The following TACC2 variants were observed in gnomAD, a reference collection of about 807,000 sequenced individuals.
The protein encoded by TACC2 is transforming acidic coiled-coil-containing protein 2.
Under a neutral mutation model 227.3 loss-of-function variants are expected in TACC2, and 137 were observed. The observed-to-expected ratio is 0.60, with a 90% CI of 0.52 to 0.69. TACC2 has a LOEUF of 0.69. Among genes scored for constraint, TACC2 ranks in the 30% least tolerant of loss-of-function variants. The pLI is 0.00. For missense variants in TACC2, 3,470 were observed against 3,694.4 expected (o/e 0.94, Z 1.57); for synonymous variants, 1,523 against 1,487.5 (o/e 1.02, Z -0.55).
chr10:122,156,651 C>G (rs967597663), intron 7 of TACC2, among the ~76,000 whole-genome samples: 33 of 152,238 alleles, frequency 2.2e-4, no homozygotes, highest in Non-Finnish European at 4.4e-5. Context: ...GCTCACAGGT[C>G]TGACTGTGCC....
At chr10:122,151,869 GC>G (rs2139506367) in intron 7 of TACC2, among the ~76,000 whole-genome samples, 1 of 152,342 alleles carries the variant, frequency 6.6e-6, no homozygotes, top group South Asian at 2.1e-4. Flanking sequence ...GAAGGCAGGT[GC>G]TGGGATACAG....
At chr10:122,230,731 A>G (rs1302627272) in intron 16 of TACC2, among the ~76,000 whole-genome samples, 1 of 152,256 alleles carries the variant, frequency 6.6e-6, no homozygotes, top group Non-Finnish European at 1.5e-5. Flanking sequence ...CTAAGATGGC[A>G]AAGTTGGATA....
intron 5 of TACC2, among the ~76,000 whole-genome samples, chr10:122,120,156 T>C (rs886064549): frequency 1.3e-5 from 2 of 151,932 alleles, no homozygotes; most frequent in African/African-American, 4.8e-5. Context: ...CACAGTAAGG[T>C]CTCCTGGGGA....
chr10:122,145,369 A>G (rs11200431), intron 7 of TACC2, among the ~76,000 whole-genome samples: 12,789 of 151,584 alleles, frequency 0.084, 753 homozygotes, highest in Admixed American at 0.16. Context: ...ATGCAACTAA[A>G]TTGATGAATC....
intron 5 of TACC2, among the ~76,000 whole-genome samples, chr10:122,127,802 C>T (rs1356389664): frequency 2.6e-5 from 4 of 152,118 alleles, no homozygotes; most frequent in African/African-American, 9.7e-5. Flanking sequence ...AGAAAGGGCC[C>T]GGAGCTGACA....
chr10:122,101,217 C>T lies in TACC2; in HGVS notation c.5573+12626C>T, dbSNP rs535101369. On this transcript the variant is annotated intron_variant, in intron 5 of 22. Coordinates refer to ENST00000369005, the MANE Select transcript of TACC2 (RefSeq NM_206862.4). ...TCTCATGAGGTCTCAGTTTCCTCAC[C>T]TGCAAAATGAGTATAAAATTAATAC... Among the ~76,000 whole-genome samples the T allele has an allele frequency of 1.2e-4, 18 of 152,202 alleles. No homozygotes were observed. In the East Asian group the frequency reaches 2.9e-3, roughly 25 times the overall value.
intron 7 of TACC2, among the ~76,000 whole-genome samples, chr10:122,175,974 G>C (rs1204788454): frequency 6.6e-6 from 1 of 152,000 alleles, no homozygotes; most frequent in African/African-American, 2.4e-5. Flanking sequence ...CCAGTTGCTT[G>C]GGAGGCTGAG....
At chr10:122,145,975 C>T (rs1001046492) in intron 7 of TACC2, among the ~76,000 whole-genome samples, 7 of 152,202 alleles carry the variant, frequency 4.6e-5, no homozygotes, top group Middle Eastern at 3.2e-3. Flanking sequence ...TTACTCTGGG[C>T]CAATCACTGT....
chr10:122,247,171 C>G (rs2096141935), intron 19 of TACC2: 1 of 152,362 alleles, frequency 6.6e-6, no homozygotes, highest in African/African-American at 2.4e-5. Context: ...GAAGCTCAGT[C>G]TGGCTGCTGA....
intron 7 of TACC2, among the ~76,000 whole-genome samples, chr10:122,177,716 T>G (rs1315066567): frequency 6.6e-6 from 1 of 152,170 alleles, no homozygotes; most frequent in African/African-American, 2.4e-5. Flanking sequence ...CAAACAGGAT[T>G]ATTCTGTCGC....
In TACC2 at chr10:122,050,355, T is replaced by G. The variant is rs2075535459; in HGVS notation, c.34-83T>G. The G allele has an allele frequency of 7.7e-6, 8 of 1,032,902 alleles. No homozygotes were observed. The highest frequency in any genetic ancestry group is 1.2e-5 in the Non-Finnish European group (8 of 679,766). 64.0% of individuals were successfully genotyped at this position (1,032,902 alleles called of 1,614,324 possible). A position where few individuals can be genotyped will look rare whatever the true frequency, so the allele number is the denominator to read the frequency against. On this transcript the variant is annotated intron_variant, in intron 2 of 22. Transcript: ENST00000369005. This position sits in a 1 kb window ranked among gnomAD's most constrained non-coding sequence, Gnocchi z 4.6. The stretch of plus-strand genomic sequence containing the variant: ...AACAACCTTACCTTGAATGCTGTGG[T>G]GGGTGCCCTGTTGATAAATGTTTTT...
At chr10:122,012,418 C>CAAAAAAAAAAAAA (rs752342348) in intron 1 of TACC2, among the ~76,000 whole-genome samples, 25 of 60,714 alleles carry the variant, frequency 4.1e-4, no homozygotes, top group South Asian at 1.0e-3. Context: ...GACTCCGTCT[C>CAAAAAAAAAAAAA]AAAAAAAAAA....
chr10:122,095,130 A>G (rs1040981625), intron 5 of TACC2, among the ~76,000 whole-genome samples: 1 of 152,158 alleles, frequency 6.6e-6, no homozygotes, highest in Non-Finnish European at 1.5e-5. Flanking sequence ...CCCTGATGGC[A>G]AGTTTCCCCC....
At chr10:122,071,903 A>G (rs1210263303) in intron 3 of TACC2, among the ~76,000 whole-genome samples, 2 of 148,892 alleles carry the variant, frequency 1.3e-5, no homozygotes, top group South Asian at 2.1e-4. Flanking sequence ...AAAAAAAAAA[A>G]GTTCATATGA....
intron 20 of TACC2, 103 bp downstream of exon 20, chr10:122,248,906 T>A: frequency 6.5e-7 from 1 of 1,538,322 alleles, no homozygotes; most frequent in Non-Finnish European, 8.9e-7. Flanking sequence ...TTGAGCCACC[T>A]GCGAGGAGGG....
chr10:122,009,788 T>C (rs913567224), intron 1 of TACC2, among the ~76,000 whole-genome samples: 3 of 151,838 alleles, frequency 2.0e-5, no homozygotes, highest in African/African-American at 4.8e-5. Context: ...TAGCTGGGCA[T>C]GGGGGTGCGC....
At chr10:122,242,645 T>C (rs1342218572) in intron 19 of TACC2, among the ~76,000 whole-genome samples, 1 of 152,238 alleles carries the variant, frequency 6.6e-6, no homozygotes, top group Non-Finnish European at 1.5e-5. Flanking sequence ...CTTTTTTTCT[T>C]TTCTTTTCTT....
chr10:122,005,529 C>T lies in TACC2; in HGVS notation c.-46+16041C>T, dbSNP rs535083259. Among the ~76,000 whole-genome samples the T allele has an allele frequency of 2.0e-4, 30 of 149,850 alleles. 1 individual carries two copies. Among genetic ancestry groups the T allele is most frequent in the East Asian group, 7.9e-4 (4 of 5,062 alleles). On this transcript the variant is annotated intron_variant, in intron 1 of 22. Transcript: ENST00000369005. ...CCTCCCGAGTAGCTGGGACTACAGG[C>T]GCTCACCACCACGCCCGGCTGATTT...
chr10:122,008,265 T>TTATTATTATTATTATTA (rs1342584652), intron 1 of TACC2, among the ~76,000 whole-genome samples: 1 of 9,748 alleles, frequency 1.0e-4, no homozygotes, highest in Middle Eastern at 0.083. Context: ...ATTATTATTA[T>TTATTATTATTATTATTA]TTTTTTTTTT....
Sources: gnomAD v4.1 joint callset for allele counts (sites outside exome capture counted in the v4.1 genomes callset) on GRCh38, gnomAD v4.1.1 for gene constraint, Gnocchi (gnomAD v3.1) non-coding constraint, MANE v1.5 for transcripts, NCBI Gene and HGNC (gene_info 2026-07-23, HGNC 2026-07-21) for gene names.